MFN1: variants seen among roughly 807,000 people sequenced by gnomAD.
MFN1 encodes the protein mitofusin-1.
MFN1 carries 65 observed loss-of-function variants against 92.4 expected under a neutral mutation model. That is an observed-to-expected ratio of 0.70 (90% CI 0.58 to 0.86). MFN1 has a LOEUF of 0.86. Among genes scored for constraint, MFN1 ranks in the 40% least tolerant of loss-of-function variants. MFN1 has a pLI of 0.00. For synonymous variants in MFN1, 297 were observed against 300.9 expected (o/e 0.99, Z 0.13); for missense variants, 781 against 868.0 (o/e 0.90, Z 1.26).
At chr3:179,377,600 A>G in intron 12 of MFN1, 152 bp downstream of exon 12, 1 of 513,850 alleles carries the variant, frequency 1.9e-6, no homozygotes. Flanking sequence ...ACTGTCTTGT[A>G]TAAAAAGTAA....
chr3:179,374,407 T>TATATAAC (rs1222557859), intron 9 of MFN1, among the ~76,000 whole-genome samples: 68 of 127,672 alleles, frequency 5.3e-4, no homozygotes, highest in East Asian at 1.3e-3. Context: ...ATGTAATATA[T>TATATAAC]ATATATAAGA....
chr3:179,366,728 A>G (rs536598159), intron 7 of MFN1, among the ~76,000 whole-genome samples: 1 of 152,338 alleles, frequency 6.6e-6, no homozygotes, highest in South Asian at 2.1e-4. Flanking sequence ...TTTTCCTTAA[A>G]TATTTCAGCA....
At chr3:179,384,052 C>T (rs932498605) in intron 14 of MFN1, among the ~76,000 whole-genome samples, 6 of 152,114 alleles carry the variant, frequency 3.9e-5, no homozygotes, top group Non-Finnish European at 5.9e-5. Flanking sequence ...TGGAGGTTTC[C>T]TATAAATGCA....
chr3:179,364,287 C>T lies in MFN1; in HGVS notation c.537-10C>T. On this transcript the variant is annotated splice_polypyrimidine_tract_variant and intron_variant, in intron 5 of 17. Transcript: ENST00000471841. The stretch of plus-strand genomic sequence containing the variant: ...GAAATATAATACAATTTTTATTTCA[C>T]TCTCATTAGTCCAGGCACAGATGTC... 5 of 1,558,940 alleles carry T rather than the reference C, an allele frequency of 3.2e-6. No individual in the cohort carries two copies. The highest frequency in any genetic ancestry group is 2.3e-5 in the East Asian group (1 of 43,834).
intron 14 of MFN1, among the ~76,000 whole-genome samples, chr3:179,381,531 G>A (rs1291648385): frequency 2.0e-5 from 3 of 152,174 alleles, no homozygotes; most frequent in Non-Finnish European, 4.4e-5. Context: ...TGTTATTAAT[G>A]GTGTGTCTTA....
intron 16 of MFN1, 91 bp from the exon 17 acceptor site, chr3:179,389,913 A>C (rs927844744): frequency 7.9e-7 from 1 of 1,266,084 alleles, no homozygotes; most frequent in African/African-American, 1.5e-5. Flanking sequence ...AAGTTTTTTA[A>C]AACTTGTGTT....
intron 3 of MFN1, 79 bp from the exon 4 acceptor site, chr3:179,358,761 A>G (rs1406138574): frequency 3.5e-6 from 5 of 1,433,284 alleles, no homozygotes; most frequent in Non-Finnish European, 4.7e-6. Context: ...GATTTTAAAA[A>G]AGTTGATATT....
At chr3:179,371,513 C>CA (rs985330376) in intron 9 of MFN1, among the ~76,000 whole-genome samples, 10 of 151,430 alleles carry the variant, frequency 6.6e-5, no homozygotes, top group South Asian at 6.3e-4. Context: ...TCTTTTCTTT[C>CA]AAAAAAAAGG....
intron 3 of MFN1, among the ~76,000 whole-genome samples, chr3:179,353,761 G>A (rs1037975499): frequency 4.6e-5 from 7 of 152,182 alleles, no homozygotes; most frequent in East Asian, 1.9e-4. Flanking sequence ...ACCAACAGAG[G>A]CATTTATTTA....
chr3:179,366,619 A>G (rs1712805698), intron 7 of MFN1, among the ~76,000 whole-genome samples: 2 of 152,192 alleles, frequency 1.3e-5, no homozygotes, highest in South Asian at 4.1e-4. Context: ...AATTTTGCAT[A>G]ACATCATGTT....
chr3:179,365,263 C>T (rs1712742981), intron 7 of MFN1, 38 bp downstream of exon 7: 1 of 1,093,638 alleles, frequency 9.1e-7, no homozygotes, highest in Non-Finnish European at 1.3e-6. Flanking sequence ...TTTTGAAATA[C>T]AGTCACATAC....
chr3:179,388,958 G>A (rs1053854775), intron 16 of MFN1, among the ~76,000 whole-genome samples: 2 of 151,448 alleles, frequency 1.3e-5, no homozygotes, highest in Admixed American at 6.6e-5. Flanking sequence ...TAGGAATTCC[G>A]AGAGTGATGT....
At chr3:179,384,900 C>CTTTTTTT (rs35563595) in intron 14 of MFN1, among the ~76,000 whole-genome samples, 3 of 84,652 alleles carry the variant, frequency 3.5e-5, no homozygotes, top group African/African-American at 4.9e-5. Context: ...TTTTGAAGTC[C>CTTTTTTT]TTTTTTTTTT....
chr3:179,376,970 A>T (rs1713263407), intron 10 of MFN1, 72 bp from the exon 11 acceptor site: 1 of 1,500,882 alleles, frequency 6.7e-7, no homozygotes, highest in South Asian at 1.3e-5. Context: ...CAATACATGA[A>T]TGAGTCCCTT....
At position 179,368,121 on chromosome 3, in the gene MFN1, G is replaced by A. The variant is rs199859570; in HGVS notation, c.975+18G>A. ...TCTTTGAGGTAGGAATTTTGTGATTGTATTGCCTAATACAAAACTCTTTCT... is the reference window on the plus strand; with the variant it reads ...TCTTTGAGGTAGGAATTTTGTGATTATATTGCCTAATACAAAACTCTTTCT... On this transcript the variant is annotated intron_variant, in intron 9 of 17. Coordinates refer to ENST00000471841, the MANE Select transcript of MFN1 (RefSeq NM_033540.3). The A allele has an allele frequency of 6.5e-7, 1 of 1,539,654 alleles. No homozygotes were observed. Among genetic ancestry groups the A allele is most frequent in the South Asian group, 1.2e-5 (1 of 81,790 alleles).
At chr3:179,386,372 A>C (rs976859567) in intron 15 of MFN1, 61 bp from the exon 16 acceptor site, 17 of 1,364,050 alleles carry the variant, frequency 1.2e-5, no homozygotes, top group Middle Eastern at 2.5e-4. Context: ...AAATGCTTTT[A>C]AATGTACTCT....
At chr3:179,370,652 C>T (rs1170350401) in intron 9 of MFN1, among the ~76,000 whole-genome samples, 6 of 152,156 alleles carry the variant, frequency 3.9e-5, no homozygotes, top group Middle Eastern at 3.4e-3. Flanking sequence ...CCTCATGATC[C>T]ACCCGCCTTG....
rs769878779 is a variant in MFN1, at chr3:179,387,584, C to CTTTTTTTTTTTTTTTTTTTTT, written c.2012+964_2012+984dup. ...ATTGCCCTTAAGATATTTGTGGTTT[C>CTTTTTTTTTTTTTTTTTTTTT]TTTTTTTTTTTTTTTTTTTTTTTTT... On this transcript the variant is annotated intron_variant, in intron 16 of 17. Transcript: ENST00000471841. Among the ~76,000 whole-genome samples, 2 of 82,258 alleles carry CTTTTTTTTTTTTTTTTTTTTT rather than the reference C, an allele frequency of 2.4e-5. 1 individual carries two copies. The highest frequency in any genetic ancestry group is 1.1e-4 in the African/African-American group (2 of 18,662). 54.0% of individuals were successfully genotyped at this position (82,258 alleles called of 152,430 possible).
rs759901191 is a variant in MFN1, at chr3:179,377,052, G to A, written c.1108G>A (p.Val370Met). 3.7e-6 allele frequency: 6 copies of A among 1,613,714 alleles called. No individual in the cohort carries two copies. The South Asian group carries it at 5.5e-5, about 15-fold the overall frequency. The change falls in exon 11 of 18, where the codon GTG (valine) becomes ATG (methionine). Residue 370 changes from valine (V) to methionine (M), a missense_variant. Val to Met is a conservative substitution (Grantham distance 21, BLOSUM62 1). Transcript: ENST00000471841. Reference sequence around the variant, plus strand: ...TTTATACTGAAATAGGCATTATTCAGTGGAAGAGAGGGAAGACCAAATTGA... The same window carrying A: ...TTTATACTGAAATAGGCATTATTCAATGGAAGAGAGGGAAGACCAAATTGA... ...LAAEDKRHYS[V>M]EEREDQIDRL...
Sources: allele counts gnomAD v4.1 joint callset (sites outside exome capture counted in the v4.1 genomes callset), GRCh38; gene constraint gnomAD v4.1.1; transcripts MANE v1.5; gene names NCBI Gene and HGNC (gene_info 2026-07-23, HGNC 2026-07-21).